VDAC2: variants seen among roughly 807,000 people sequenced by gnomAD.
The protein encoded by VDAC2 is non-selective voltage-gated ion channel VDAC2.
Under a neutral mutation model 36.6 loss-of-function variants are expected in VDAC2, and 6 were observed. That is an observed-to-expected ratio of 0.16 (90% CI 0.09 to 0.32). VDAC2 has a LOEUF of 0.32. Among genes scored for constraint, VDAC2 ranks in the 10% least tolerant of loss-of-function variants. VDAC2 has a pLI of 1.00. For synonymous variants in VDAC2, 109 were observed against 123.8 expected (o/e 0.88, Z 0.79); for missense variants, 247 against 346.0 (o/e 0.71, Z 2.27).
At chr10:75,212,940 T>C (rs1841474235) in intron 3 of VDAC2, among the ~76,000 whole-genome samples, 1 of 152,178 alleles carries the variant, frequency 6.6e-6, no homozygotes, top group Non-Finnish European at 1.5e-5. Context: ...TAATACTTTA[T>C]CTAGAGTTAT....
chr10:75,227,140 G>A (rs749019301), intron 8 of VDAC2, among the ~76,000 whole-genome samples: 4 of 152,176 alleles, frequency 2.6e-5, no homozygotes, highest in Non-Finnish European at 5.9e-5. Flanking sequence ...AGATATATAA[G>A]TATCTTTTCA....
intron 7 of VDAC2, 128 bp downstream of exon 7, chr10:75,221,098 G>A: frequency 9.8e-7 from 1 of 1,022,870 alleles, no homozygotes. Context: ...ATCATTCTTG[G>A]TCATTTCTAG....
intron 8 of VDAC2, among the ~76,000 whole-genome samples, chr10:75,226,753 C>T (rs1191061415): frequency 2.0e-5 from 3 of 152,254 alleles, no homozygotes; most frequent in South Asian, 2.1e-4. Context: ...CGAGCCACTG[C>T]GCCCTGGGCT....
chr10:75,230,534 A>G (rs1343529553), intron 9 of VDAC2, among the ~76,000 whole-genome samples: 2 of 152,122 alleles, frequency 1.3e-5, no homozygotes, highest in African/African-American at 4.8e-5. Context: ...ACATATTCAG[A>G]TTTACCCCCG....
chr10:75,229,761 C>A, intron 9 of VDAC2, 60 bp downstream of exon 9: 5 of 1,375,170 alleles, frequency 3.6e-6, no homozygotes, highest in Admixed American at 2.3e-5. Context: ...AGTTTTCATT[C>A]TTCAGCTTAC....
At position 75,210,806 on chromosome 10, in the gene VDAC2, G is replaced by C. The variant is rs1037582829; in HGVS notation, c.-158G>C. 2.6e-5 allele frequency: 6 copies of C among 227,086 alleles called. No individual in the cohort carries two copies. Among genetic ancestry groups the C allele is most frequent in the African/African-American group, 1.4e-4 (6 of 43,852 alleles). The allele number at this position is 227,086 out of a possible 1,614,324, so 14.1% of individuals were successfully genotyped here. A position where few individuals can be genotyped will look rare whatever the true frequency, so the allele number is the denominator to read the frequency against. On this transcript the variant is annotated 5_prime_UTR_variant, in exon 1 of 10. Transcript: ENST00000332211. ...GGGGTCCTGTCTGGGAGAGGACAGG[G>C]TTGCGGCGGGCGGAACGGTGTCTCC...
chr10:75,229,535 C>T, intron 8 of VDAC2, 109 bp from the exon 9 acceptor site: 1 of 793,784 alleles, frequency 1.3e-6, no homozygotes, highest in Non-Finnish European at 2.0e-6. Flanking sequence ...ATTTTATTGT[C>T]TCACGTGAAT....
chr10:75,219,079 G>T lies in VDAC2; in HGVS notation c.167G>T (p.Gly56Val), dbSNP rs1215865644. The T allele has an allele frequency of 6.2e-7, 1 of 1,604,646 alleles. No individual in the cohort carries two copies. Among genetic ancestry groups the T allele is most frequent in the Non-Finnish European group, 8.5e-7 (1 of 1,177,556 alleles). The change falls in exon 5 of 10, where the codon GGT becomes GTT. Residue 56 changes from glycine to valine, a missense_variant. Around this residue, in one of 3 missense-constraint regions of VDAC2, gnomAD observed 76 missense variants for 76.9 expected, o/e 0.99. Transcript: ENST00000332211. ...TCTTGTTAGGAATTTTCAACGTCCG[G>T]TTCATCTAATACAGACACTGGTAAA... ...SCSGVEFSTS[G>V]SSNTDTGKVT...
intron 8 of VDAC2, among the ~76,000 whole-genome samples, chr10:75,228,496 C>G (rs566317357): frequency 6.6e-6 from 1 of 151,986 alleles, no homozygotes; most frequent in Non-Finnish European, 1.5e-5. Context: ...CTCAAGTGGT[C>G]CTCCCGCCTT....
At position 75,219,049 on chromosome 10, in the gene VDAC2, G is replaced by T. The variant is rs766238574; in HGVS notation, c.151-14G>T. ...TTATGAGAATGTTCATGAAGTTATT[G>T]ATTGTCTTGTTAGGAATTTTCAACG... On this transcript the variant is annotated splice_polypyrimidine_tract_variant and intron_variant, in intron 4 of 9. Coordinates refer to ENST00000332211, the MANE Select transcript of VDAC2 (RefSeq NM_001391963.1). 2 of 1,603,452 alleles carry T rather than the reference G, an allele frequency of 1.2e-6. No homozygotes were observed. Among genetic ancestry groups the T allele is most frequent in the South Asian group, 2.2e-5 (2 of 88,896 alleles).
chr10:75,215,917 T>C (rs1259147210), intron 4 of VDAC2, among the ~76,000 whole-genome samples: 5 of 151,668 alleles, frequency 3.3e-5, no homozygotes, highest in African/African-American at 4.8e-5. Context: ...AAACAGGGTT[T>C]TGCCATGTTG....
intron 8 of VDAC2, among the ~76,000 whole-genome samples, chr10:75,226,672 AG>A (rs540510671): frequency 4.6e-5 from 7 of 152,046 alleles, no homozygotes; most frequent in South Asian, 2.1e-4. Context: ...CGTGTTGGCC[AG>A]GTGGGTCTCC....
At chr10:75,221,011 A>C (rs758291573) in intron 7 of VDAC2, 41 bp downstream of exon 7, 1 of 1,571,164 alleles carries the variant, frequency 6.4e-7, no homozygotes, top group East Asian at 2.3e-5. Flanking sequence ...GTGGGCCCTC[A>C]GAGGATGATT....
At chr10:75,213,636 C>T (rs1036168627) in intron 3 of VDAC2, among the ~76,000 whole-genome samples, 36 of 152,108 alleles carry the variant, frequency 2.4e-4, no homozygotes, top group African/African-American at 6.3e-4. Context: ...CCCAACTACT[C>T]GGGAGACTGA....
chr10:75,229,539 C>T (rs990194775), intron 8 of VDAC2, 105 bp from the exon 9 acceptor site: 7 of 838,318 alleles, frequency 8.4e-6, no homozygotes, highest in South Asian at 1.8e-5. Context: ...TATTGTCTCA[C>T]GTGAATAAAA....
intron 4 of VDAC2, among the ~76,000 whole-genome samples, chr10:75,217,612 A>G (rs1841646690): frequency 1.3e-5 from 2 of 152,090 alleles, no homozygotes; most frequent in African/African-American, 2.4e-5. Flanking sequence ...TCCCTACCTC[A>G]AGTGATCGGC....
At position 75,217,943 on chromosome 10, in the gene VDAC2, T is replaced by G. The variant is rs1249378802; in HGVS notation, c.151-1120T>G. On this transcript the variant is annotated intron_variant, in intron 4 of 9. Coordinates refer to ENST00000332211, the MANE Select transcript of VDAC2 (RefSeq NM_001391963.1). ...TTATTTTCACATCAGCTGTCTTCCTTAGGCTTGGCGTGGTGATGCTTGTGA... is the reference window on the plus strand; with the variant it reads ...TTATTTTCACATCAGCTGTCTTCCTGAGGCTTGGCGTGGTGATGCTTGTGA... 6 of 1,289,082 alleles carry G rather than the reference T, an allele frequency of 4.7e-6. No individual in the cohort carries two copies. The South Asian group carries it at 7.4e-5, about 16-fold the overall frequency. The allele number at this position is 1,289,082 out of a possible 1,614,324, so 79.9% of individuals were successfully genotyped here. A position where few individuals can be genotyped will look rare whatever the true frequency, so the allele number is the denominator to read the frequency against.
intron 8 of VDAC2, among the ~76,000 whole-genome samples, chr10:75,225,756 T>G (rs1307482679): frequency 6.6e-6 from 1 of 152,182 alleles, no homozygotes; most frequent in Non-Finnish European, 1.5e-5. Flanking sequence ...CTCATACTGC[T>G]GAGCTATTTT....
intron 2 of VDAC2, chr10:75,211,445 A>G: frequency 6.7e-7 from 1 of 1,489,018 alleles, no homozygotes; most frequent in South Asian, 1.4e-5. Context: ...GACGTATAGA[A>G]GTAAAAAGTT....
Sources: allele counts gnomAD v4.1 joint callset (sites outside exome capture counted in the v4.1 genomes callset), GRCh38; gene constraint gnomAD v4.1.1; regional missense constraint gnomAD v4.1.1; transcripts MANE v1.5; gene names NCBI Gene and HGNC (gene_info 2026-07-23, HGNC 2026-07-21).